The following MRC2 variants were observed in gnomAD, a reference collection of about 807,000 sequenced individuals.
MRC2 encodes the protein mannose receptor C-type 2.
Under a neutral mutation model 206.2 loss-of-function variants are expected in MRC2, and 84 were observed. That is an observed-to-expected ratio of 0.41 (90% CI 0.34 to 0.49). The LOEUF is 0.49. MRC2 is among the 20% of genes least tolerant of loss of function. The pLI is 0.31. For missense variants in MRC2, 1,676 were observed against 2,001.5 expected, an observed-to-expected ratio of 0.84 and a Z score of 3.10; for synonymous variants, 798 against 800.0, an observed-to-expected ratio of 1.00 and a Z score of 0.04.
At chr17:62,630,398 T>C (rs577489001) in intron 1 of MRC2, among the ~76,000 whole-genome samples, 94 of 152,250 alleles carry the variant, frequency 6.2e-4, no homozygotes, top group African/African-American at 2.2e-3. Flanking sequence ...AGTGAAAGGC[T>C]GGAGTGTGGA....
At chr17:62,647,887 A>G (rs2088509160) in intron 1 of MRC2, among the ~76,000 whole-genome samples, 1 of 152,158 alleles carries the variant, frequency 6.6e-6, no homozygotes, top group Non-Finnish European at 1.5e-5. Context: ...ATCCCTGCCA[A>G]CTACCCAGCG....
chr17:62,633,320 G>A (rs1433335411), intron 1 of MRC2, among the ~76,000 whole-genome samples: 1 of 151,886 alleles, frequency 6.6e-6, no homozygotes, highest in South Asian at 2.1e-4. Context: ...GGCTAACACG[G>A]TGAAACCCCA....
At chr17:62,635,955 T>A (rs1304439860) in intron 1 of MRC2, among the ~76,000 whole-genome samples, 2 of 151,872 alleles carry the variant, frequency 1.3e-5, no homozygotes, top group Non-Finnish European at 2.9e-5. Flanking sequence ...GCCCGGCTAA[T>A]TTTTTGTGTT....
rs753158360 is a variant in MRC2, at chr17:62,664,929, T to C, written c.500T>C (p.Leu167Pro). Residue 167 changes from leucine to proline, a missense_variant, in exon 2 of 30, where the codon CTA becomes CCA. Physicochemically the swap from Leu to Pro is moderately conservative, Grantham distance 98. Coordinates refer to ENST00000303375, the MANE Select transcript of MRC2 (RefSeq NM_006039.5). The surrounding 1 kb of genome is among the most constrained non-coding windows in gnomAD (Gnocchi z 4.7). The stretch of plus-strand genomic sequence containing the variant: ...CGCATCTACGGCAGCGAGGAGGACC[T>C]ATGTGCTCTGCCCTACCACGGTGAG... ...QWRIYGSEED[L>P]CALPYHEVYT... The C allele has an allele frequency of 1.6e-5, 26 of 1,609,832 alleles. No homozygotes were observed. Among genetic ancestry groups the C allele is most frequent in the South Asian group, 3.3e-5 (3 of 90,974 alleles).
intron 6 of MRC2, among the ~76,000 whole-genome samples, chr17:62,669,679 A>G (rs1287625489): frequency 6.6e-6 from 1 of 151,624 alleles, no homozygotes; most frequent in Non-Finnish European, 1.5e-5. Flanking sequence ...CAGCCTCCCG[A>G]GTAGCTGGGA....
chr17:62,692,696 A>C lies in MRC2; in HGVS notation c.*245A>C. The C allele has an allele frequency of 2.2e-6, 1 of 452,604 alleles. No individual in the cohort carries two copies. The highest frequency in any genetic ancestry group is 4.1e-6 in the Non-Finnish European group (1 of 246,458). 28.0% of individuals were successfully genotyped at this position (452,604 alleles called of 1,614,324 possible). On this transcript the variant is annotated 3_prime_UTR_variant, in exon 30 of 30. Coordinates refer to ENST00000303375, the MANE Select transcript of MRC2 (RefSeq NM_006039.5). The surrounding 1 kb of genome is among the most constrained non-coding windows in gnomAD (Gnocchi z 4.2). ...TTCTGGGGGGGCCTGAGGTCTTGTCACCTGGTCCTGTGCCCCCACAGGAAC... is the reference window on the plus strand; with the variant it reads ...TTCTGGGGGGGCCTGAGGTCTTGTCCCCTGGTCCTGTGCCCCCACAGGAAC...
Position 62,680,647 on chromosome 17 carries a change from C to G in MRC2, c.2474-153C>G. ...GTGGGAGGCGAGGCAAGCCTGGGGC[C>G]TGGGGCCTGGCACGGTGCCTGCCTG... is the stretch of plus-strand genomic sequence containing the variant. On this transcript the variant is annotated intron_variant, in intron 16 of 29. Transcript: ENST00000303375. The surrounding 1 kb of genome is among the most constrained non-coding windows in gnomAD (Gnocchi z 4.8). 3.2e-6 allele frequency: 4 copies of G among 1,269,568 alleles called. No homozygotes were observed. The highest frequency in any genetic ancestry group is 4.2e-6 in the Non-Finnish European group (4 of 945,672). The allele number at this position is 1,269,568 out of a possible 1,614,324, so 78.6% of individuals were successfully genotyped here.
chr17:62,629,604 G>T (rs2084200100), intron 1 of MRC2, among the ~76,000 whole-genome samples: 1 of 152,188 alleles, frequency 6.6e-6, no homozygotes, highest in Non-Finnish European at 1.5e-5. Context: ...TGGAGCTGCT[G>T]CAGGTTCCTT....
At chr17:62,646,666 C>T (rs2052002045) in intron 1 of MRC2, among the ~76,000 whole-genome samples, 1 of 152,186 alleles carries the variant, frequency 6.6e-6, no homozygotes, top group African/African-American at 2.4e-5. Context: ...TGGTCTCATC[C>T]ATCTGGAGCC....
intron 1 of MRC2, among the ~76,000 whole-genome samples, chr17:62,641,895 C>CTGTG (rs4058579): frequency 0.57 from 84,720 of 149,926 alleles, 23,815 homozygotes; most frequent in East Asian, 0.76. Flanking sequence ...ATCTCACTCT[C>CTGTG]TGTGTGTGTG....
At chr17:62,678,037 G>A (rs1379973159) in intron 12 of MRC2, among the ~76,000 whole-genome samples, 7 of 152,304 alleles carry the variant, frequency 4.6e-5, no homozygotes, top group East Asian at 1.9e-4. Context: ...GTGACAGAGC[G>A]AGACTCCGTC....
chr17:62,664,462 T>G lies in MRC2; in HGVS notation c.119-86T>G. 7.0e-7 allele frequency: 1 copy of G among 1,430,882 alleles called. No homozygotes were observed. The highest frequency in any genetic ancestry group is 2.3e-5 in the East Asian group (1 of 43,904). 88.6% of individuals were successfully genotyped at this position (1,430,882 alleles called of 1,614,324 possible). ...GGCTCACCATCCTGCACTGGGCACA[T>G]GGTAGGTGCCTGTCAGCCACACCGG... is the stretch of plus-strand genomic sequence containing the variant. On this transcript the variant is annotated intron_variant, in intron 1 of 29. Coordinates refer to ENST00000303375, the MANE Select transcript of MRC2 (RefSeq NM_006039.5). The surrounding 1 kb of genome is among the most constrained non-coding windows in gnomAD (Gnocchi z 4.7).
At chr17:62,646,328 C>T (rs540531377) in intron 1 of MRC2, among the ~76,000 whole-genome samples, 12 of 151,828 alleles carry the variant, frequency 7.9e-5, no homozygotes, top group Non-Finnish European at 1.8e-4. Context: ...CCGGCCCCCT[C>T]TCTCTCTTTT....
Position 62,627,670 on chromosome 17 carries a change from A to C in MRC2, c.-133A>C. 1 of 571,976 alleles carries C rather than the reference A, an allele frequency of 1.7e-6. No homozygotes were observed. Among genetic ancestry groups the C allele is most frequent in the Non-Finnish European group, 2.7e-6 (1 of 370,476 alleles). 35.4% of individuals were successfully genotyped at this position (571,976 alleles called of 1,614,324 possible). ...TCCTCCCTCCTCCTCCCCGGGAGGC[A>C]TCACTTCGTCCCGACCCGGAGGAGG... On this transcript the variant is annotated 5_prime_UTR_variant, in exon 1 of 30. Coordinates refer to ENST00000303375, the MANE Select transcript of MRC2 (RefSeq NM_006039.5).
At chr17:62,642,852 G>A (rs1033260741) in intron 1 of MRC2, among the ~76,000 whole-genome samples, 1 of 152,116 alleles carries the variant, frequency 6.6e-6, no homozygotes, top group Non-Finnish European at 1.5e-5. Context: ...CTAAAAACTA[G>A]TGCCAAACTG....
At chr17:62,669,014 G>C (rs1479554947) in intron 6 of MRC2, among the ~76,000 whole-genome samples, 1 of 151,744 alleles carries the variant, frequency 6.6e-6, no homozygotes, top group East Asian at 1.9e-4. Context: ...CTGTGGTGTA[G>C]GTTGGAGGGG....
chr17:62,651,264 A>G (rs1041252942), intron 1 of MRC2, among the ~76,000 whole-genome samples: 3 of 152,072 alleles, frequency 2.0e-5, no homozygotes, highest in Non-Finnish European at 4.4e-5. Context: ...TTGTACTTTT[A>G]GTAGAGACAG....
intron 22 of MRC2, 40 bp from the exon 23 acceptor site, chr17:62,688,812 G>A: frequency 6.3e-7 from 1 of 1,584,438 alleles, no homozygotes; most frequent in South Asian, 1.1e-5. Context: ...GCACAGGGAG[G>A]CAGCTGCTGG....
At chr17:62,644,995 A>C (rs1276790448) in intron 1 of MRC2, among the ~76,000 whole-genome samples, 1 of 152,214 alleles carries the variant, frequency 6.6e-6, no homozygotes, top group Non-Finnish European at 1.5e-5. Flanking sequence ...ACGCTGTCAT[A>C]CACGTTTGCT....
Sources: allele counts gnomAD v4.1 joint callset (sites outside exome capture counted in the v4.1 genomes callset), GRCh38; gene constraint gnomAD v4.1.1; non-coding constraint Gnocchi (gnomAD v3.1); transcripts MANE v1.5; gene names NCBI Gene and HGNC (gene_info 2026-07-23, HGNC 2026-07-21).